KIAA1549L: variants seen among roughly 807,000 people sequenced by gnomAD.
KIAA1549L encodes the protein KIAA1549 like.
Under a neutral mutation model 160.7 loss-of-function variants are expected in KIAA1549L, and 88 were observed. The ratio of observed to expected loss-of-function variants is 0.55; its 90% CI spans 0.46 to 0.65. The LOEUF is 0.65. Ranked by LOEUF, KIAA1549L falls within the 30% of genes least tolerant of loss-of-function variation. KIAA1549L has a pLI of 0.00. For missense variants in KIAA1549L, 2,258 were observed against 2,437.5 expected, an observed-to-expected ratio of 0.93 and a Z score of 1.55; for synonymous variants, 950 against 976.7, an observed-to-expected ratio of 0.97 and a Z score of 0.51.
intron 1 of KIAA1549L, among the ~76,000 whole-genome samples, chr11:33,455,410 T>C (rs1300713074): frequency 6.6e-6 from 1 of 152,204 alleles, no homozygotes; most frequent in East Asian, 1.9e-4. Flanking sequence ...AAAATACTTT[T>C]GGACATTAAA....
intron 1 of KIAA1549L, among the ~76,000 whole-genome samples, chr11:33,479,662 T>C (rs1271127751): frequency 2.0e-5 from 3 of 152,192 alleles, no homozygotes; most frequent in Non-Finnish European, 2.9e-5. Flanking sequence ...GAGACAGAGC[T>C]TGTGATTCTC....
At chr11:33,384,744 G>A (rs1351140983) in intron 1 of KIAA1549L, among the ~76,000 whole-genome samples, 2 of 151,838 alleles carry the variant, frequency 1.3e-5, no homozygotes, top group African/African-American at 4.8e-5. Flanking sequence ...GTTCTTACTT[G>A]CCATCTATAT....
At chr11:33,422,520 C>CTCCCT (rs1163967156) in intron 1 of KIAA1549L, among the ~76,000 whole-genome samples, 1 of 125,584 alleles carries the variant, frequency 8.0e-6, no homozygotes, top group Non-Finnish European at 1.7e-5. Flanking sequence ...CCTCCCTCCC[C>CTCCCT]TCCCTTCCCC....
intron 1 of KIAA1549L, among the ~76,000 whole-genome samples, chr11:33,418,045 C>T (rs570135996): frequency 6.0e-4 from 91 of 152,336 alleles, no homozygotes; most frequent in African/African-American, 2.1e-3. Context: ...TCCCAAAGTG[C>T]TGGGATTACA....
At chr11:33,605,753 T>C (rs548205585) in intron 13 of KIAA1549L, among the ~76,000 whole-genome samples, 2 of 152,372 alleles carry the variant, frequency 1.3e-5, no homozygotes, top group South Asian at 4.1e-4. Context: ...CTAAATTGTC[T>C]GCTGGTTTAG....
At chr11:33,621,188 C>T (rs907770229) in intron 16 of KIAA1549L, among the ~76,000 whole-genome samples, 5 of 152,170 alleles carry the variant, frequency 3.3e-5, no homozygotes, top group Non-Finnish European at 5.9e-5. Flanking sequence ...TAAGCAAATA[C>T]GTGCTACACA....
intron 16 of KIAA1549L, among the ~76,000 whole-genome samples, chr11:33,635,093 G>C (rs1851403355): frequency 2.0e-5 from 3 of 152,134 alleles, no homozygotes; most frequent in Non-Finnish European, 4.4e-5. Context: ...GCTGCCAAAG[G>C]TCTCTCTGCT....
chr11:33,388,005 G>T (rs573186300), intron 1 of KIAA1549L, among the ~76,000 whole-genome samples: 114 of 152,122 alleles, frequency 7.5e-4, no homozygotes, highest in African/African-American at 2.7e-3. Flanking sequence ...AATCTTCATT[G>T]GATTTTAAAA....
At chr11:33,454,110 A>G (rs1376480437) in intron 1 of KIAA1549L, among the ~76,000 whole-genome samples, 3 of 152,218 alleles carry the variant, frequency 2.0e-5, no homozygotes, top group Non-Finnish European at 4.4e-5. Flanking sequence ...CCCATCTGTA[A>G]ACAGCTGTTA....
chr11:33,604,342 T>A (rs753025508), intron 13 of KIAA1549L, among the ~76,000 whole-genome samples: 1 of 152,200 alleles, frequency 6.6e-6, no homozygotes, highest in African/African-American at 2.4e-5. Context: ...GGAATGCTTA[T>A]ACACTGCTGG....
chr11:33,407,501 A>G (rs1455266752), intron 1 of KIAA1549L, among the ~76,000 whole-genome samples: 1 of 152,054 alleles, frequency 6.6e-6, no homozygotes, highest in Non-Finnish European at 1.5e-5. Context: ...GGCACGCGCC[A>G]CCGTGCCTTG....
intron 20 of KIAA1549L, among the ~76,000 whole-genome samples, chr11:33,662,082 A>G (rs1195445585): frequency 6.6e-6 from 1 of 152,176 alleles, no homozygotes; most frequent in Non-Finnish European, 1.5e-5. Context: ...CCTTTTATGA[A>G]TGATTCAGTA....
chr11:33,504,157 A>T (rs1853022137), intron 1 of KIAA1549L, among the ~76,000 whole-genome samples: 1 of 152,054 alleles, frequency 6.6e-6, no homozygotes, highest in African/African-American at 2.4e-5. Flanking sequence ...GCTACTCGGG[A>T]GGCTGAGGCA....
At chr11:33,564,667 G>A (rs1378596049) in intron 8 of KIAA1549L, among the ~76,000 whole-genome samples, 2 of 152,226 alleles carry the variant, frequency 1.3e-5, no homozygotes, top group Non-Finnish European at 2.9e-5. Context: ...TCCCACCAGA[G>A]GCAAAATATC....
At chr11:33,581,678 A>G (rs867307864) in intron 10 of KIAA1549L, among the ~76,000 whole-genome samples, 1 of 152,214 alleles carries the variant, frequency 6.6e-6, no homozygotes. Flanking sequence ...TTGCAATTTA[A>G]ATAACCCTTC....
intron 1 of KIAA1549L, among the ~76,000 whole-genome samples, chr11:33,517,137 G>C (rs986577627): frequency 6.6e-6 from 1 of 152,314 alleles, no homozygotes; most frequent in Middle Eastern, 3.4e-3. Context: ...CGATGACGAT[G>C]CTAGGGTATG....
In KIAA1549L at chr11:33,606,647, C is replaced by T. The variant is rs202027343; in HGVS notation, c.4886C>T (p.Ala1629Val). The change falls in exon 14 of 21, where the codon GCG becomes GTG. Residue 1629 changes from alanine to valine, a missense_variant. Transcript: ENST00000658780. ...KEEARKRNVPASDEEEGAVLF... is the reference protein window; with the variant it reads ...KEEARKRNVPVSDEEEGAVLF... ...TGTTTATGTTGTGCTTCAGTGCCAG[C>T]GAGTGACGAAGAGGAGGGAGCGGTT... The T allele has an allele frequency of 7.4e-5, 119 of 1,613,518 alleles. No homozygotes were observed. Among genetic ancestry groups the T allele is most frequent in the Middle Eastern group, 4.9e-4 (3 of 6,062 alleles).
At position 33,542,572 on chromosome 11, in the gene KIAA1549L, G is replaced by T; in HGVS notation, c.1009G>T (p.Ala337Ser). Residue 337 changes from alanine (A) to serine (S), a missense_variant, in exon 2 of 21, where the codon GCA becomes TCA. This residue lies in a region of KIAA1549L where 540 missense variants were observed against 465.7 expected (regional missense o/e 1.16). Coordinates refer to ENST00000658780, the MANE Select transcript of KIAA1549L (RefSeq NM_012194.3). Reference sequence around the variant, plus strand: ...GTCCCCAACAGAGGGTCCCCATTCAGCAGGTTCATCCACACCTGGGTTTTT... The same window carrying T: ...GTCCCCAACAGAGGGTCCCCATTCATCAGGTTCATCCACACCTGGGTTTTT... ...ELSPTEGPHSAGSSTPGFLSP... is the reference protein window; with the variant it reads ...ELSPTEGPHSSGSSTPGFLSP... 1 of 1,613,862 alleles carries T rather than the reference G, an allele frequency of 6.2e-7. No homozygotes were observed. The highest frequency in any genetic ancestry group is 8.5e-7 in the Non-Finnish European group (1 of 1,179,818).
intron 1 of KIAA1549L, among the ~76,000 whole-genome samples, chr11:33,499,203 A>G (rs1852888727): frequency 6.6e-6 from 1 of 152,118 alleles, no homozygotes; most frequent in Non-Finnish European, 1.5e-5. Context: ...CTGTGTCCAA[A>G]CTCAGGAACT....
Sources: allele counts gnomAD v4.1 joint callset (sites outside exome capture counted in the v4.1 genomes callset), GRCh38; gene constraint gnomAD v4.1.1; regional missense constraint gnomAD v4.1.1; transcripts MANE v1.5; gene names NCBI Gene and HGNC (gene_info 2026-07-23, HGNC 2026-07-21).